XRCC5: variants seen among roughly 807,000 people sequenced by gnomAD.
XRCC5 encodes DNA repair protein Ku80.
A neutral mutation model predicts 95.7 loss-of-function variants in XRCC5; 12 were observed. The observed-to-expected ratio is 0.13, with a 90% CI of 0.08 to 0.20. XRCC5 has a LOEUF of 0.20. Ranked by LOEUF, XRCC5 falls within the 10% of genes least tolerant of loss-of-function variation. The pLI is 1.00. For synonymous variants in XRCC5, 281 were observed against 290.3 expected (o/e 0.97, Z 0.33); for missense variants, 595 against 873.9 (o/e 0.68, Z 4.02).
chr2:216,177,452 G>A lies in XRCC5; in HGVS notation c.1835-12773G>A, dbSNP rs909229867. On this transcript the variant is annotated intron_variant, in intron 16 of 20. Coordinates refer to ENST00000392132, the MANE Select transcript of XRCC5 (RefSeq NM_021141.4). ...TGTTAAATAAAAGTCTTCAGGTATTGGCATTTTAGGAAAAATAAACTTAGC... is the reference window on the plus strand; with the variant it reads ...TGTTAAATAAAAGTCTTCAGGTATTAGCATTTTAGGAAAAATAAACTTAGC... Among the ~76,000 whole-genome samples, 8 of 152,268 alleles carry A rather than the reference G, an allele frequency of 5.3e-5. No homozygotes were observed. The East Asian group carries it at 1.5e-3, about 29-fold the overall frequency.
At chr2:216,142,174 T>C (rs919957737) in intron 13 of XRCC5, among the ~76,000 whole-genome samples, 5 of 152,224 alleles carry the variant, frequency 3.3e-5, no homozygotes, top group Non-Finnish European at 7.3e-5. Flanking sequence ...TTTTATATTT[T>C]TTCAGGCTTT....
intron 16 of XRCC5, 73 bp downstream of exon 16, chr2:216,162,121 T>C (rs941644600): frequency 7.2e-7 from 1 of 1,380,028 alleles, no homozygotes; most frequent in Non-Finnish European, 1.0e-6. Flanking sequence ...GATTAAGAAC[T>C]GTAGCCTTTT....
intron 5 of XRCC5, among the ~76,000 whole-genome samples, chr2:216,120,397 T>A (rs909008018): frequency 1.3e-5 from 2 of 152,216 alleles, no homozygotes; most frequent in African/African-American, 4.8e-5. Context: ...TTCTATTTGC[T>A]TTTTATTTGG....
At chr2:216,181,651 A>T (rs1048104519) in intron 16 of XRCC5, among the ~76,000 whole-genome samples, 1 of 152,188 alleles carries the variant, frequency 6.6e-6, no homozygotes, top group African/African-American at 2.4e-5. Context: ...TTGTAGTATG[A>T]CTCATTAGAT....
At chr2:216,155,205 C>G (rs1688818222) in intron 14 of XRCC5, among the ~76,000 whole-genome samples, 1 of 121,836 alleles carries the variant, frequency 8.2e-6, no homozygotes, top group Admixed American at 1.0e-4. Context: ...CACTGCACTC[C>G]AGCTTGGGCA....
At chr2:216,162,407 C>CT (rs200680768) in intron 16 of XRCC5, among the ~76,000 whole-genome samples, 19,795 of 146,062 alleles carry the variant, frequency 0.14, 1,560 homozygotes, top group South Asian at 0.27. Flanking sequence ...CCTTTTTTTT[C>CT]TTTTTTTTTT....
At chr2:216,170,588 CACCTCCT>C (rs1368207828) in intron 16 of XRCC5, among the ~76,000 whole-genome samples, 1 of 152,178 alleles carries the variant, frequency 6.6e-6, no homozygotes, top group Non-Finnish European at 1.5e-5. Flanking sequence ...GTGATTCATT[CACCTCCT>C]ACCAGGCTCC....
intron 19 of XRCC5, among the ~76,000 whole-genome samples, chr2:216,197,036 G>A (rs1308484501): frequency 2.0e-5 from 3 of 152,134 alleles, no homozygotes; most frequent in Non-Finnish European, 4.4e-5. Flanking sequence ...ACCTAAAAAA[G>A]CTTGTGTTTC....
chr2:216,192,810 T>C (rs1335028957), intron 18 of XRCC5, 75 bp downstream of exon 18: 9 of 958,356 alleles, frequency 9.4e-6, no homozygotes, highest in African/African-American at 5.1e-5. Context: ...AATATACATA[T>C]AAATTCTAAA....
intron 16 of XRCC5, among the ~76,000 whole-genome samples, chr2:216,167,578 G>GGGTT: frequency 1.4e-5 from 1 of 71,544 alleles, no homozygotes; most frequent in Non-Finnish European, 2.6e-5. Flanking sequence ...GTTTGTGTGT[G>GGGTT]TGTGTGTGTG....
intron 16 of XRCC5, chr2:216,175,366 A>G: frequency 1.7e-5 from 8 of 484,148 alleles, no homozygotes; most frequent in Admixed American, 7.1e-5. Flanking sequence ...AGTTTCCTCC[A>G]CAACCCATAA....
At chr2:216,172,569 A>G (rs1689188969) in intron 16 of XRCC5, among the ~76,000 whole-genome samples, 1 of 148,670 alleles carries the variant, frequency 6.7e-6, no homozygotes, top group Non-Finnish European at 1.5e-5. Flanking sequence ...CCCGGGTTCA[A>G]GTGATTCTCG....
intron 16 of XRCC5, among the ~76,000 whole-genome samples, chr2:216,187,535 A>C (rs1354886444): frequency 7.6e-6 from 1 of 130,830 alleles, no homozygotes; most frequent in African/African-American, 2.8e-5. Context: ...ATCATATTTC[A>C]GGATAAAATG....
In XRCC5 at chr2:216,204,408, T is replaced by A; in HGVS notation, c.2184+12T>A. ...ATGTGGACGATTTAGTAAGTACTTTTAATATGCACCTGGTGTTCTATGATT... is the reference window on the plus strand; with the variant it reads ...ATGTGGACGATTTAGTAAGTACTTTAAATATGCACCTGGTGTTCTATGATT... On this transcript the variant is annotated intron_variant, in intron 20 of 20. Transcript: ENST00000392132. The A allele has an allele frequency of 6.2e-7, 1 of 1,613,726 alleles. No individual in the cohort carries two copies. The highest frequency in any genetic ancestry group is 8.5e-7 in the Non-Finnish European group (1 of 1,179,662).
intron 10 of XRCC5, among the ~76,000 whole-genome samples, chr2:216,133,254 A>G (rs1251735575): frequency 3.3e-5 from 5 of 152,238 alleles, no homozygotes; most frequent in Admixed American, 3.3e-4. Context: ...TGAGAATCCT[A>G]CTTCATGGAT....
At chr2:216,164,978 C>T (rs1689027767) in intron 16 of XRCC5, among the ~76,000 whole-genome samples, 1 of 152,158 alleles carries the variant, frequency 6.6e-6, no homozygotes, top group Non-Finnish European at 1.5e-5. Context: ...ATTGGGGATT[C>T]AGAGCAGTCT....
At chr2:216,134,244 C>T (rs947972713) in intron 10 of XRCC5, among the ~76,000 whole-genome samples, 2 of 152,114 alleles carry the variant, frequency 1.3e-5, no homozygotes, top group Admixed American at 6.5e-5. Context: ...TTTCTCTGGT[C>T]ATTAGCATAT....
In XRCC5 at chr2:216,126,036, G is replaced by T; in HGVS notation, c.798+5G>T. The stretch of plus-strand genomic sequence containing the variant: ...AGGATTGCAGCCTATAAATCGGTAA[G>T]TGGCAGGTACACATTTTTAACAGAA... On this transcript the variant is annotated splice_donor_5th_base_variant and intron_variant, in intron 7 of 20. Coordinates refer to ENST00000392132, the MANE Select transcript of XRCC5 (RefSeq NM_021141.4). 6.2e-7 allele frequency: 1 copy of T among 1,606,678 alleles called. No individual in the cohort carries two copies. The highest frequency in any genetic ancestry group is 8.5e-7 in the Non-Finnish European group (1 of 1,173,592).
intron 16 of XRCC5, among the ~76,000 whole-genome samples, chr2:216,189,840 T>C (rs1177518377): frequency 1.3e-5 from 2 of 152,222 alleles, no homozygotes; most frequent in Non-Finnish European, 2.9e-5. Context: ...ATCTGTTTTC[T>C]GTGAATACAA....
Sources: gnomAD v4.1 joint callset for allele counts (sites outside exome capture counted in the v4.1 genomes callset) on GRCh38, gnomAD v4.1.1 for gene constraint, MANE v1.5 for transcripts, NCBI Gene and HGNC (gene_info 2026-07-23, HGNC 2026-07-21) for gene names.